The following PEA15 variants were observed in gnomAD, a reference collection of about 807,000 sequenced individuals.
PEA15 encodes the protein astrocytic phosphoprotein PEA-15.
For missense variants in PEA15, 77 were observed against 161.3 expected (o/e 0.48, Z 2.83); for synonymous variants, 60 against 61.8 (o/e 0.97, Z 0.13).
In PEA15 at chr1:160,208,845, A is replaced by T; in HGVS notation, c.-2-2698A>T. On this transcript the variant is annotated intron_variant, in intron 1 of 3. Transcript: ENST00000360472. The surrounding 1 kb of genome is among the most constrained non-coding windows in gnomAD (Gnocchi z 4.1). ...TCCTTTCTGTCCCTTCTTACTCACC[A>T]TTCCCTACACTCCTCCCATCTAGTG... is the stretch of plus-strand genomic sequence containing the variant. 20 of 556,560 alleles carry T rather than the reference A, an allele frequency of 3.6e-5. No individual in the cohort carries two copies. Among genetic ancestry groups the T allele is most frequent in the Non-Finnish European group, 4.2e-5 (13 of 309,478 alleles). 34.5% of individuals were successfully genotyped at this position (556,560 alleles called of 1,614,324 possible).
In PEA15 at chr1:160,213,330, T is replaced by C. The variant is rs1454269144; in HGVS notation, c.328+65T>C. On this transcript the variant is annotated intron_variant, in intron 3 of 3. Coordinates refer to ENST00000360472, the MANE Select transcript of PEA15 (RefSeq NM_003768.5). This position sits in a 1 kb window ranked among gnomAD's most constrained non-coding sequence, Gnocchi z 5.3. ...GTCCCGTTGACTATCCTTGGAGTAC[T>C]TGAGTTTTGGGAGAGTGGAGGCAGA... The C allele has an allele frequency of 1.7e-5, 28 of 1,612,730 alleles. No individual in the cohort carries two copies. Among genetic ancestry groups the C allele is most frequent in the Non-Finnish European group, 2.0e-5 (23 of 1,178,860 alleles).
At chr1:160,212,769 G>A (rs1181193001) in intron 2 of PEA15, among the ~76,000 whole-genome samples, 2 of 150,102 alleles carry the variant, frequency 1.3e-5, no homozygotes, top group East Asian at 3.9e-4. Context: ...AGTGGAAAAG[G>A]ATGGGGGTGG....
At chr1:160,210,294 C>CCCACCCCT (rs1300676170) in intron 1 of PEA15, among the ~76,000 whole-genome samples, 1 of 152,240 alleles carries the variant, frequency 6.6e-6, no homozygotes, top group Admixed American at 6.5e-5. Flanking sequence ...TTGCTGCTTG[C>CCCACCCCT]CCACCCCTTG....
At position 160,214,791 on chromosome 1, in the gene PEA15, C is replaced by T. The variant is rs1655039073; in HGVS notation, c.*1305C>T. On this transcript the variant is annotated 3_prime_UTR_variant, in exon 4 of 4. Coordinates refer to ENST00000360472, the MANE Select transcript of PEA15 (RefSeq NM_003768.5). The stretch of plus-strand genomic sequence containing the variant: ...GCTTTTTCAAAAAACATTAAATTCA[C>T]ATGCAGTCTCAGAGACTATTTAGAC... 1 of 152,606 alleles carries T rather than the reference C, an allele frequency of 6.6e-6. No individual in the cohort carries two copies. The highest frequency in any genetic ancestry group is 1.5e-5 in the Non-Finnish European group (1 of 68,046). 9.5% of individuals were successfully genotyped at this position (152,606 alleles called of 1,614,324 possible).
At position 160,205,431 on chromosome 1, in the gene PEA15, C is replaced by T; in HGVS notation, c.-94C>T. 1 of 189,908 alleles carries T rather than the reference C, an allele frequency of 5.3e-6. No individual in the cohort carries two copies. The highest frequency in any genetic ancestry group is 1.0e-5 in the Non-Finnish European group (1 of 96,546). 11.8% of individuals were successfully genotyped at this position (189,908 alleles called of 1,614,324 possible). A position where few individuals can be genotyped will look rare whatever the true frequency, so the allele number is the denominator to read the frequency against. On this transcript the variant is annotated 5_prime_UTR_variant, in exon 1 of 4. Transcript: ENST00000360472. The surrounding 1 kb of genome is among the most constrained non-coding windows in gnomAD (Gnocchi z 5.9). ...GCGGCGGCGGCAGAAGCGGCGGCGGCGGCGGCGGGAGCCGAGGAGGAGGTT... is the reference window on the plus strand; with the variant it reads ...GCGGCGGCGGCAGAAGCGGCGGCGGTGGCGGCGGGAGCCGAGGAGGAGGTT...
chr1:160,209,279 G>A lies in PEA15; in HGVS notation c.-2-2264G>A, dbSNP rs373230404. 8.6e-5 allele frequency among the ~76,000 whole-genome samples: 13 copies of A among 152,022 alleles called. No homozygotes were observed. The East Asian group carries it at 1.4e-3, about 16-fold the overall frequency. On this transcript the variant is annotated intron_variant, in intron 1 of 3. Coordinates refer to ENST00000360472, the MANE Select transcript of PEA15 (RefSeq NM_003768.5). Reference sequence around the variant, plus strand: ...TCCTCCAGAGCTGTGCCCACAACCCGGGGATTAGCATCCATAAGATCCGAG... The same window carrying A: ...TCCTCCAGAGCTGTGCCCACAACCCAGGGATTAGCATCCATAAGATCCGAG...
rs17551437 is a variant in PEA15 at position 160,205,420 on chromosome 1, AGCGGCG to A, written c.-91_-86del. 6.0e-5 allele frequency: 11 copies of A among 182,272 alleles called. No individual in the cohort carries two copies. Among genetic ancestry groups the A allele is most frequent in the South Asian group, 2.5e-4 (2 of 8,144 alleles). 11.3% of individuals were successfully genotyped at this position (182,272 alleles called of 1,614,324 possible). A position where few individuals can be genotyped will look rare whatever the true frequency, so the allele number is the denominator to read the frequency against. ...CGGAAGAGGCGGCGGCGGCGGCAGA[AGCGGCG>A]GCGGCGGCGGCGGGAGCCGAGGAGG... On this transcript the variant is annotated 5_prime_UTR_variant, in exon 1 of 4. Transcript: ENST00000360472. The surrounding 1 kb of genome is among the most constrained non-coding windows in gnomAD (Gnocchi z 5.9).
chr1:160,211,218 A>T, intron 1 of PEA15: 1 of 870,592 alleles, frequency 1.1e-6, no homozygotes, highest in Non-Finnish European at 1.4e-6. Context: ...AGTCGGGAGC[A>T]GGTTGCTATG....
Position 160,210,479 on chromosome 1 carries a change from TTC to T in PEA15, c.-2-1062_-2-1061del, listed in dbSNP as rs1395612726. Among the ~76,000 whole-genome samples the T allele has an allele frequency of 2.6e-5, 4 of 152,372 alleles. No homozygotes were observed. In the East Asian group the frequency reaches 5.8e-4, roughly 22 times the overall value. On this transcript the variant is annotated intron_variant, in intron 1 of 3. Coordinates refer to ENST00000360472, the MANE Select transcript of PEA15 (RefSeq NM_003768.5). ...CCATTCAAACATCTGACCTTCTTTC[TTC>T]TGTCTTAGCCACAGTTCCTATCTTA...
At chr1:160,210,211 C>T (rs773714898) in intron 1 of PEA15, among the ~76,000 whole-genome samples, 2 of 152,206 alleles carry the variant, frequency 1.3e-5, no homozygotes, top group Non-Finnish European at 2.9e-5. Flanking sequence ...CAACCAAGCC[C>T]CTTTGATCTG....
chr1:160,209,932 G>A (rs1654799516), intron 1 of PEA15, among the ~76,000 whole-genome samples: 1 of 152,236 alleles, frequency 6.6e-6, no homozygotes, highest in Admixed American at 6.5e-5. Context: ...GCCTGGCAGG[G>A]CCACTGCTGG....
At chr1:160,210,516 A>G (rs1294854825) in intron 1 of PEA15, among the ~76,000 whole-genome samples, 1 of 152,228 alleles carries the variant, frequency 6.6e-6, no homozygotes, top group Admixed American at 6.5e-5. Context: ...AGTGGAAGGA[A>G]GGCCTTGAAT....
At chr1:160,209,510 G>GAC (rs111598251) in intron 1 of PEA15, among the ~76,000 whole-genome samples, 1,651 of 146,640 alleles carry the variant, frequency 0.011, 12 homozygotes, top group African/African-American at 0.019. Flanking sequence ...AACTCCTCCC[G>GAC]ACACACACAC....
Position 160,205,899 on chromosome 1 carries a change from C to T in PEA15, c.-3+377C>T, listed in dbSNP as rs538876959. 3.3e-5 allele frequency: 5 copies of T among 152,356 alleles called. No individual in the cohort carries two copies. The highest frequency in any genetic ancestry group is 3.4e-3 in the Middle Eastern group (1 of 294). 9.4% of individuals were successfully genotyped at this position (152,356 alleles called of 1,614,324 possible). A position where few individuals can be genotyped will look rare whatever the true frequency, so the allele number is the denominator to read the frequency against. ...GCGGTCTCCCGGCCCAGCCCTGTCT[C>T]GGTTCCGCGGGCGGCTGGTACCATG... On this transcript the variant is annotated intron_variant, in intron 1 of 3. Coordinates refer to ENST00000360472, the MANE Select transcript of PEA15 (RefSeq NM_003768.5). This position sits in a 1 kb window ranked among gnomAD's most constrained non-coding sequence, Gnocchi z 5.9.
chr1:160,208,565 GA>G lies in PEA15; in HGVS notation c.-2-2977del. The G allele has an allele frequency of 6.5e-7, 1 of 1,527,356 alleles. No homozygotes were observed. Among genetic ancestry groups the G allele is most frequent in the Non-Finnish European group, 8.9e-7 (1 of 1,125,902 alleles). 94.6% of individuals were successfully genotyped at this position (1,527,356 alleles called of 1,614,324 possible). A position where few individuals can be genotyped will look rare whatever the true frequency, so the allele number is the denominator to read the frequency against. ...GAGCCCAGAGAGCAGATTTCTCCAC[GA>G]GCCCTAAGGAAATCTGAATCTCTGG... On this transcript the variant is annotated intron_variant, in intron 1 of 3. Coordinates refer to ENST00000360472, the MANE Select transcript of PEA15 (RefSeq NM_003768.5). The surrounding 1 kb of genome is among the most constrained non-coding windows in gnomAD (Gnocchi z 4.1).
In PEA15 at chr1:160,208,367, C is replaced by T. The variant is rs1216021497; in HGVS notation, c.-3+2845C>T. Reference sequence around the variant, plus strand: ...AGGAAGGAAGGAAGGTGTGAGGAAGCGGTGAGCCTAGCACAGAAAGCTGGG... The same window carrying T: ...AGGAAGGAAGGAAGGTGTGAGGAAGTGGTGAGCCTAGCACAGAAAGCTGGG... On this transcript the variant is annotated intron_variant, in intron 1 of 3. Transcript: ENST00000360472. The surrounding 1 kb of genome is among the most constrained non-coding windows in gnomAD (Gnocchi z 4.1). 7.5e-6 allele frequency: 4 copies of T among 534,502 alleles called. No individual in the cohort carries two copies. The highest frequency in any genetic ancestry group is 3.1e-5 in the Admixed American group (1 of 32,030). The allele number at this position is 534,502 out of a possible 1,614,324, so 33.1% of individuals were successfully genotyped here. A position where few individuals can be genotyped will look rare whatever the true frequency, so the allele number is the denominator to read the frequency against.
At chr1:160,211,238 T>G (rs1003897038) in intron 1 of PEA15, 33 of 1,040,568 alleles carry the variant, frequency 3.2e-5, no homozygotes, top group South Asian at 4.5e-5. Flanking sequence ...GGTAACCGCC[T>G]CCTCAGTCAG....
intron 1 of PEA15, chr1:160,206,362 T>G (rs974639300): frequency 1.3e-5 from 2 of 152,250 alleles, no homozygotes; most frequent in African/African-American, 4.8e-5. Context: ...GGTTTCAGAT[T>G]GTTCCTCTTT....
intron 1 of PEA15, chr1:160,211,222 T>G: frequency 1.1e-6 from 1 of 935,088 alleles, no homozygotes; most frequent in East Asian, 8.6e-5. Context: ...GGGAGCAGGT[T>G]GCTATGGTAA....
Sources: allele counts gnomAD v4.1 joint callset (sites outside exome capture counted in the v4.1 genomes callset), GRCh38; gene constraint gnomAD v4.1.1; non-coding constraint Gnocchi (gnomAD v3.1); transcripts MANE v1.5; gene names NCBI Gene and HGNC (gene_info 2026-07-23, HGNC 2026-07-21).